RBFOX1: variants seen among roughly 807,000 people sequenced by gnomAD.
RBFOX1 encodes the protein RNA binding fox-1 homolog 1.
RBFOX1 carries 8 observed loss-of-function variants against 57.7 expected under a neutral mutation model. That is an observed-to-expected ratio of 0.14 (90% CI 0.08 to 0.25). RBFOX1 has a LOEUF of 0.25. Ranked by LOEUF, RBFOX1 falls within the 10% of genes least tolerant of loss-of-function variation. RBFOX1 has a pLI of 1.00. For missense variants in RBFOX1, 611 were observed against 548.5 expected (o/e 1.11, Z -1.14); for synonymous variants, 326 against 222.4 (o/e 1.47, Z -4.15).
Position 6,455,054 on chromosome 16 carries a change from T to C in RBFOX1, c.-64+137997T>C, listed in dbSNP as rs1377108693. The stretch of plus-strand genomic sequence containing the variant: ...CCCACTACCATGCCTGGCTAATTTT[T>C]TTTTTTTTTTTTGTATTTTTAGTAG... On this transcript the variant is annotated intron_variant, in intron 2 of 15. Transcript: ENST00000550418. 7.1e-4 allele frequency among the ~76,000 whole-genome samples: 104 copies of C among 146,504 alleles called. 1 individual carries two copies. The highest frequency in any genetic ancestry group is 6.7e-4 in the Admixed American group (10 of 14,924).
chr16:7,118,715 A>G (rs548478675), intron 4 of RBFOX1, among the ~76,000 whole-genome samples: 2 of 152,308 alleles, frequency 1.3e-5, no homozygotes, highest in South Asian at 4.1e-4. Context: ...GAATGTTAGG[A>G]TGTGGGGATC....
At chr16:6,598,356 AAT>A (rs2097799869) in intron 2 of RBFOX1, among the ~76,000 whole-genome samples, 1 of 152,180 alleles carries the variant, frequency 6.6e-6, no homozygotes, top group South Asian at 2.1e-4. Flanking sequence ...TGATTTATTT[AAT>A]ACTCTCCTAT....
intron 12 of RBFOX1, among the ~76,000 whole-genome samples, chr16:7,655,766 C>G (rs971509899): frequency 6.6e-6 from 1 of 152,076 alleles, no homozygotes; most frequent in Non-Finnish European, 1.5e-5. Context: ...AGTATATCTA[C>G]CATCAGTATC....
At chr16:7,127,006 G>A (rs562743263) in intron 4 of RBFOX1, among the ~76,000 whole-genome samples, 1,264 of 68,434 alleles carry the variant, frequency 0.018, 30 homozygotes, top group African/African-American at 0.076. Flanking sequence ...GCGAGAATCC[G>A]TCTCAAAAAA....
chr16:6,761,198 G>C (rs2076547259), intron 3 of RBFOX1, among the ~76,000 whole-genome samples: 1 of 152,056 alleles, frequency 6.6e-6, no homozygotes, highest in South Asian at 2.1e-4. Flanking sequence ...AACTAAAGGA[G>C]GCAAATGAGC....
At chr16:6,236,472 T>C (rs879777555) in intron 1 of RBFOX1, among the ~76,000 whole-genome samples, 1 of 151,826 alleles carries the variant, frequency 6.6e-6, no homozygotes, top group Non-Finnish European at 1.5e-5. Flanking sequence ...TCTCACTCTG[T>C]CCCTCAGGCT....
At chr16:6,186,758 A>G (rs565763120) in intron 1 of RBFOX1, among the ~76,000 whole-genome samples, 2 of 152,322 alleles carry the variant, frequency 1.3e-5, no homozygotes, top group South Asian at 4.1e-4. Context: ...AGCAGTGAAC[A>G]TGGCAACATT....
intron 3 of RBFOX1, among the ~76,000 whole-genome samples, chr16:5,609,861 T>C (rs2047712467): frequency 7.0e-6 from 1 of 143,034 alleles, no homozygotes; most frequent in African/African-American, 2.6e-5. Flanking sequence ...AGCAGAGGAC[T>C]GTGCAGAGAC....
chr16:6,021,321 C>T (rs1329312022), intron 1 of RBFOX1, among the ~76,000 whole-genome samples: 2 of 152,152 alleles, frequency 1.3e-5, no homozygotes, highest in South Asian at 2.1e-4. Flanking sequence ...TTCATCTCCC[C>T]TCCATTTATC....
At chr16:7,257,170 C>G (rs2094723394) in intron 4 of RBFOX1, among the ~76,000 whole-genome samples, 1 of 152,202 alleles carries the variant, frequency 6.6e-6, no homozygotes, top group South Asian at 2.1e-4. Context: ...AACTGTTTCT[C>G]TATCAGAAAA....
intron 4 of RBFOX1, among the ~76,000 whole-genome samples, chr16:5,904,278 T>C (rs907448051): frequency 6.6e-6 from 1 of 152,122 alleles, no homozygotes; most frequent in East Asian, 1.9e-4. Context: ...ATAAGAAATC[T>C]GCATGCCACT....
chr16:7,334,593 A>C (rs1216942152), intron 4 of RBFOX1, among the ~76,000 whole-genome samples: 1 of 152,200 alleles, frequency 6.6e-6, no homozygotes, highest in Admixed American at 6.5e-5. Context: ...GTGCCGGTGT[A>C]GGAAAAATAA....
intron 2 of RBFOX1, among the ~76,000 whole-genome samples, chr16:5,558,697 G>A (rs1302903778): frequency 6.6e-6 from 1 of 152,074 alleles, no homozygotes; most frequent in Non-Finnish European, 1.5e-5. Flanking sequence ...GTGTGGGGTG[G>A]GACCCTGAGA....
intron 3 of RBFOX1, among the ~76,000 whole-genome samples, chr16:5,706,341 A>G (rs1003770475): frequency 1.3e-5 from 2 of 152,208 alleles, no homozygotes; most frequent in Non-Finnish European, 2.9e-5. Context: ...GAGTGGAAAT[A>G]CAGTTCCAAG....
chr16:5,680,346 T>C (rs1211014610), intron 3 of RBFOX1, among the ~76,000 whole-genome samples: 1 of 152,192 alleles, frequency 6.6e-6, no homozygotes, highest in Non-Finnish European at 1.5e-5. Flanking sequence ...GCCAAGTCCA[T>C]TGAACCCTAA....
At chr16:6,962,947 G>C (rs1032544662) in intron 3 of RBFOX1, among the ~76,000 whole-genome samples, 3 of 152,094 alleles carry the variant, frequency 2.0e-5, no homozygotes, top group African/African-American at 7.2e-5. Flanking sequence ...GTTGGATCTT[G>C]CTTTGATCGC....
chr16:6,063,698 G>C (rs1357891797), intron 1 of RBFOX1, among the ~76,000 whole-genome samples: 2 of 152,016 alleles, frequency 1.3e-5, no homozygotes, highest in Non-Finnish European at 2.9e-5. Context: ...ATGAGAAGTG[G>C]GGTCCTGTCA....
chr16:6,543,780 G>A (rs75882550), intron 2 of RBFOX1, among the ~76,000 whole-genome samples: 2,153 of 152,064 alleles, frequency 0.014, 48 homozygotes, highest in African/African-American at 0.047. Flanking sequence ...AGTAAGACAC[G>A]TTTTCTGAAG....
intron 4 of RBFOX1, among the ~76,000 whole-genome samples, chr16:7,227,546 G>C (rs942018761): frequency 1.3e-5 from 2 of 152,152 alleles, no homozygotes; most frequent in Non-Finnish European, 2.9e-5. Flanking sequence ...GGTTTCCCTG[G>C]GGGCAGCTTT....
Sources: gnomAD v4.1 joint callset for allele counts (sites outside exome capture counted in the v4.1 genomes callset) on GRCh38, gnomAD v4.1.1 for gene constraint, MANE v1.5 for transcripts, NCBI Gene and HGNC (gene_info 2026-07-23, HGNC 2026-07-21) for gene names.